SKI: variants seen among roughly 807,000 people sequenced by gnomAD.
The protein encoded by SKI is SKI proto-oncogene.
In SKI, 23 loss-of-function variants were observed where a neutral mutation model predicts 59.3. The observed-to-expected ratio is 0.39, with a 90% CI of 0.28 to 0.55. The LOEUF is 0.55. Ranked by LOEUF, SKI falls within the 20% of genes least tolerant of loss-of-function variation. The pLI is 0.67. For missense variants in SKI, 1,017 were observed against 1,038.9 expected, an observed-to-expected ratio of 0.98 and a Z score of 0.29; for synonymous variants, 673 against 488.6, an observed-to-expected ratio of 1.38 and a Z score of -4.98.
At chr1:2,289,638 A>G (rs915546131) in intron 1 of SKI, among the ~76,000 whole-genome samples, 37 of 137,896 alleles carry the variant, frequency 2.7e-4, no homozygotes, top group African/African-American at 8.8e-4. Context: ...GGGGTGCAGC[A>G]CAGGTCGTGC....
intron 1 of SKI, among the ~76,000 whole-genome samples, chr1:2,265,554 T>C (rs1372668234): frequency 6.6e-6 from 1 of 152,260 alleles, no homozygotes; most frequent in Non-Finnish European, 1.5e-5. Context: ...TCTATGTCTG[T>C]GTCAATTCTG....
At chr1:2,242,536 T>C (rs1418781885) in intron 1 of SKI, among the ~76,000 whole-genome samples, 1 of 152,206 alleles carries the variant, frequency 6.6e-6, no homozygotes, top group African/African-American at 2.4e-5. Context: ...TTCTTATTTT[T>C]GGAGACAAGG....
At chr1:2,282,906 G>C (rs1026189294) in intron 1 of SKI, among the ~76,000 whole-genome samples, 3 of 152,234 alleles carry the variant, frequency 2.0e-5, no homozygotes, top group African/African-American at 7.2e-5. Context: ...CTCCTCCTGT[G>C]CCCTAAGCTG....
intron 4 of SKI, 62 bp downstream of exon 4, chr1:2,304,164 G>T: frequency 2.5e-6 from 4 of 1,601,396 alleles, no homozygotes; most frequent in Non-Finnish European, 3.4e-6. Flanking sequence ...ACTGGCTGAG[G>T]GGGGCTGGTC....
intron 1 of SKI, chr1:2,248,045 G>C (rs1639037917): frequency 6.6e-6 from 1 of 152,442 alleles, no homozygotes; most frequent in Admixed American, 6.5e-5. Context: ...CTGCTCTTGT[G>C]CACCGGTGCC....
intron 1 of SKI, among the ~76,000 whole-genome samples, chr1:2,279,321 C>T (rs1195966803): frequency 6.6e-6 from 1 of 152,152 alleles, no homozygotes; most frequent in Non-Finnish European, 1.5e-5. Flanking sequence ...AGACCACCCT[C>T]TGATGACGGT....
intron 1 of SKI, among the ~76,000 whole-genome samples, chr1:2,275,703 G>T (rs184908815): frequency 6.6e-6 from 1 of 152,130 alleles, no homozygotes; most frequent in Non-Finnish European, 1.5e-5. Flanking sequence ...TAGTAGAGAC[G>T]GGGTTTCACC....
At chr1:2,237,696 C>G (rs1638781935) in intron 1 of SKI, among the ~76,000 whole-genome samples, 1 of 152,226 alleles carries the variant, frequency 6.6e-6, no homozygotes, top group Non-Finnish European at 1.5e-5. Flanking sequence ...GTATCTTTGC[C>G]CAGAAACAGA....
At chr1:2,254,886 C>G (rs1639241121) in intron 1 of SKI, among the ~76,000 whole-genome samples, 1 of 152,160 alleles carries the variant, frequency 6.6e-6, no homozygotes, top group South Asian at 2.1e-4. Context: ...TGGAGACAGC[C>G]ACAACAACAC....
Position 2,229,052 on chromosome 1 carries a change from C to G in SKI, c.286C>G (p.Arg96Gly). The G allele has an allele frequency of 1.9e-6, 3 of 1,605,294 alleles. No homozygotes were observed. Among genetic ancestry groups the G allele is most frequent in the Non-Finnish European group, 2.5e-6 (3 of 1,179,592 alleles). Residue 96 changes from arginine to glycine, a missense_variant, in exon 1 of 7, where the codon CGC (arginine) becomes GGC (glycine). By Grantham distance (125) the Arg-to-Gly change is moderately radical. Coordinates refer to ENST00000378536, the MANE Select transcript of SKI (RefSeq NM_003036.4). The surrounding 1 kb of genome is among the most constrained non-coding windows in gnomAD (Gnocchi z 6.3). ...LPGPFFMPSD[R>G]STERCETVLE... ...CGGGCCCTTCTTCATGCCGTCCGAC[C>G]GCTCCACCGAGCGCTGCGAGACCGT...
In SKI at chr1:2,303,728, G is replaced by C; in HGVS notation, c.1212-112G>C. The C allele has an allele frequency of 7.2e-7, 1 of 1,398,002 alleles. No individual in the cohort carries two copies. The highest frequency in any genetic ancestry group is 9.9e-7 in the Non-Finnish European group (1 of 1,014,328). The allele number at this position is 1,398,002 out of a possible 1,614,324, so 86.6% of individuals were successfully genotyped here. ...ACTGTAAGCTTGACTTGAAGATTCG[G>C]AGCTGGGAAAGTCTTTCCTGTTTAA... is the stretch of plus-strand genomic sequence containing the variant. On this transcript the variant is annotated intron_variant, in intron 3 of 6. Transcript: ENST00000378536. The surrounding 1 kb of genome is among the most constrained non-coding windows in gnomAD (Gnocchi z 5.6).
At chr1:2,241,369 C>T (rs1055884827) in intron 1 of SKI, among the ~76,000 whole-genome samples, 2 of 152,192 alleles carry the variant, frequency 1.3e-5, no homozygotes, top group Non-Finnish European at 2.9e-5. Context: ...CCAACTCCCT[C>T]TCCTATTTTG....
rs1045708381 is a variant in SKI, at chr1:2,308,365, G to T, written c.*1600G>T. On this transcript the variant is annotated 3_prime_UTR_variant, in exon 7 of 7. Coordinates refer to ENST00000378536, the MANE Select transcript of SKI (RefSeq NM_003036.4). Reference sequence around the variant, plus strand: ...CCTTGGTTTACTGAGGGGGGTCTTGGTTGCTGCTGAAGCCCCCCACCCCTT... The same window carrying T: ...CCTTGGTTTACTGAGGGGGGTCTTGTTTGCTGCTGAAGCCCCCCACCCCTT... 3.3e-5 allele frequency: 5 copies of T among 152,210 alleles called. No individual in the cohort carries two copies. Among genetic ancestry groups the T allele is most frequent in the African/African-American group, 1.2e-4 (5 of 41,448 alleles). The allele number at this position is 152,210 out of a possible 1,614,324, so 9.4% of individuals were successfully genotyped here.
At chr1:2,297,821 T>C (rs906442240) in intron 1 of SKI, among the ~76,000 whole-genome samples, 7 of 152,246 alleles carry the variant, frequency 4.6e-5, no homozygotes, top group Non-Finnish European at 8.8e-5. Context: ...CCGGTGTGCA[T>C]GGGCAGGTCT....
intron 1 of SKI, among the ~76,000 whole-genome samples, chr1:2,291,445 C>T (rs1391935700): frequency 6.6e-6 from 1 of 152,204 alleles, no homozygotes; most frequent in Admixed American, 6.5e-5. Context: ...GGTCAGCACA[C>T]ACATCTAGGG....
At chr1:2,254,755 G>A (rs1000988762) in intron 1 of SKI, among the ~76,000 whole-genome samples, 6 of 151,880 alleles carry the variant, frequency 4.0e-5, no homozygotes, top group African/African-American at 7.2e-5. Context: ...TGTGTGATGC[G>A]CAGGGCATTT....
At chr1:2,260,535 C>CTTTTTTTTTTT (rs3065260) in intron 1 of SKI, among the ~76,000 whole-genome samples, 1,048 of 67,740 alleles carry the variant, frequency 0.015, 179 homozygotes, top group African/African-American at 0.026. Context: ...TGTTCTTTTT[C>CTTTTTTTTTTT]TTTTTTTTTT....
rs547081977 is a variant in SKI, at chr1:2,268,608, A to G, written c.970-34370A>G. 2.2e-4 allele frequency among the ~76,000 whole-genome samples: 33 copies of G among 152,286 alleles called. No homozygotes were observed. Among genetic ancestry groups the G allele is most frequent in the East Asian group, 2.1e-3 (11 of 5,178 alleles). ...AAGGTGAATTTTCTTGGCTGGCTTG[A>G]CAGGTCCCCCTTTCCCTCACCATGG... is the stretch of plus-strand genomic sequence containing the variant. On this transcript the variant is annotated intron_variant, in intron 1 of 6. Transcript: ENST00000378536. The surrounding 1 kb of genome is among the most constrained non-coding windows in gnomAD (Gnocchi z 5.0).
Position 2,308,570 on chromosome 1 carries a change from A to G in SKI, c.*1805A>G, listed in dbSNP as rs1208410808. ...GGGTCGGTTTTGTTATGCAACATGC[A>G]GAATGCTGTTTTTAGCCTTGTTTTA... On this transcript the variant is annotated 3_prime_UTR_variant, in exon 7 of 7. Transcript: ENST00000378536. 6.6e-6 allele frequency: 1 copy of G among 152,040 alleles called. No individual in the cohort carries two copies. The highest frequency in any genetic ancestry group is 6.5e-5 in the Admixed American group (1 of 15,270). The allele number at this position is 152,040 out of a possible 1,614,324, so 9.4% of individuals were successfully genotyped here. A position where few individuals can be genotyped will look rare whatever the true frequency, so the allele number is the denominator to read the frequency against.
Sources: gnomAD v4.1 joint callset for allele counts (sites outside exome capture counted in the v4.1 genomes callset) on GRCh38, gnomAD v4.1.1 for gene constraint, Gnocchi (gnomAD v3.1) non-coding constraint, MANE v1.5 for transcripts, NCBI Gene and HGNC (gene_info 2026-07-23, HGNC 2026-07-21) for gene names.